Variants in CTNNA3 observed in about 807,000 individuals in gnomAD.
CTNNA3 encodes the protein catenin alpha-3.
Under a neutral mutation model 95.7 loss-of-function variants are expected in CTNNA3, and 76 were observed. That is an observed-to-expected ratio of 0.79 (90% CI 0.66 to 0.96). The LOEUF (loss-of-function observed/expected upper bound fraction) is 0.96. Among genes scored for constraint, CTNNA3 ranks in the 40% least tolerant of loss-of-function variants. The pLI is 0.00. For missense variants in CTNNA3, 1,191 were observed against 1,089.8 expected (o/e 1.09, Z -1.31); for synonymous variants, 431 against 374.4 (o/e 1.15, Z -1.74).
At chr10:67,193,049 C>T (rs1863190539) in intron 6 of CTNNA3, among the ~76,000 whole-genome samples, 1 of 151,386 alleles carries the variant, frequency 6.6e-6, no homozygotes, top group African/African-American at 2.4e-5. Context: ...TAAAATCAAA[C>T]TGTTTTGATT....
intron 7 of CTNNA3, among the ~76,000 whole-genome samples, chr10:67,145,085 CT>C (rs1166439401): frequency 6.6e-5 from 10 of 152,266 alleles, no homozygotes; most frequent in Middle Eastern, 3.4e-3. Flanking sequence ...GGAGGAATGG[CT>C]GTTCTCTGGA....
intron 7 of CTNNA3, among the ~76,000 whole-genome samples, chr10:67,045,005 A>G (rs1214204320): frequency 6.6e-6 from 1 of 152,220 alleles, no homozygotes; most frequent in East Asian, 1.9e-4. Flanking sequence ...GGAGACGCTC[A>G]ATAAATGTTA....
At chr10:66,198,311 T>C (rs568850003) in intron 13 of CTNNA3, among the ~76,000 whole-genome samples, 1 of 152,310 alleles carries the variant, frequency 6.6e-6, no homozygotes, top group East Asian at 1.9e-4. Context: ...AAGTTTAATC[T>C]GCATATAATC....
rs2090892836 is a variant in CTNNA3, at chr10:66,258,923, T to C, written c.1884+21547A>G. On this transcript the variant is annotated intron_variant, in intron 13 of 17. Coordinates refer to ENST00000433211, the MANE Select transcript of CTNNA3 (RefSeq NM_013266.4). ...GGAAAAAGAGAAGTGAAAACTAATGTCCAAAAAAATTTTCAAACAAGCCAC... is the reference window on the plus strand; with the variant it reads ...GGAAAAAGAGAAGTGAAAACTAATGCCCAAAAAAATTTTCAAACAAGCCAC... 2.6e-5 allele frequency among the ~76,000 whole-genome samples: 4 copies of C among 152,300 alleles called. No individual in the cohort carries two copies. In the South Asian group the frequency reaches 8.3e-4, roughly 32 times the overall value.
At chr10:66,484,807 T>A (rs1190639073) in intron 11 of CTNNA3, among the ~76,000 whole-genome samples, 1 of 152,036 alleles carries the variant, frequency 6.6e-6, no homozygotes, top group Admixed American at 6.6e-5. Flanking sequence ...ATATTCCTGA[T>A]AAATATACAT....
intron 5 of CTNNA3, among the ~76,000 whole-genome samples, chr10:67,467,989 G>A (rs1716853966): frequency 6.6e-6 from 1 of 151,270 alleles, no homozygotes; most frequent in African/African-American, 2.4e-5. Flanking sequence ...AGGATTATAG[G>A]CATGAGCCAC....
intron 7 of CTNNA3, among the ~76,000 whole-genome samples, chr10:67,009,747 C>T (rs114180772): frequency 4.9e-4 from 74 of 152,212 alleles, no homozygotes; most frequent in African/African-American, 1.6e-3. Flanking sequence ...GTTTCTCTTG[C>T]TAGACTTTTT....
At chr10:67,317,047 C>G (rs990679136) in intron 5 of CTNNA3, among the ~76,000 whole-genome samples, 1 of 152,106 alleles carries the variant, frequency 6.6e-6, no homozygotes, top group African/African-American at 2.4e-5. Context: ...TGCTTAAAAG[C>G]AGTAAATGTT....
chr10:66,488,387 A>AC (rs779934538), intron 11 of CTNNA3, among the ~76,000 whole-genome samples: 12 of 152,100 alleles, frequency 7.9e-5, no homozygotes, highest in Admixed American at 7.9e-4. Context: ...AATTCCACTT[A>AC]TTTTACCAGT....
Position 66,722,367 on chromosome 10 carries a change from G to C in CTNNA3, c.1281+43897C>G, listed in dbSNP as rs1247158380. 4.8e-5 allele frequency among the ~76,000 whole-genome samples: 6 copies of C among 123,884 alleles called. No individual in the cohort carries two copies. In the Admixed American group the frequency reaches 5.5e-4, roughly 11 times the overall value. 81.3% of individuals were successfully genotyped at this position (123,884 alleles called of 152,430 possible). ...CACTCCAGACTGGACGACAGAGCGAGACCCTGTCTCAAAAAAAAAAAAAAA... is the reference window on the plus strand; with the variant it reads ...CACTCCAGACTGGACGACAGAGCGACACCCTGTCTCAAAAAAAAAAAAAAA... On this transcript the variant is annotated intron_variant, in intron 9 of 17. Coordinates refer to ENST00000433211, the MANE Select transcript of CTNNA3 (RefSeq NM_013266.4).
At chr10:67,395,022 T>C (rs1214493686) in intron 5 of CTNNA3, among the ~76,000 whole-genome samples, 1 of 152,112 alleles carries the variant, frequency 6.6e-6, no homozygotes, top group Non-Finnish European at 1.5e-5. Flanking sequence ...ACTTGCAGAT[T>C]TTCCCCCACC....
chr10:65,985,105 A>G (rs1392131225), intron 16 of CTNNA3, among the ~76,000 whole-genome samples: 1 of 151,168 alleles, frequency 6.6e-6, no homozygotes, highest in Non-Finnish European at 1.5e-5. Context: ...TTTGTTTCTT[A>G]TTCCTTATAT....
intron 3 of CTNNA3, among the ~76,000 whole-genome samples, chr10:67,562,426 C>A (rs188890753): frequency 0.022 from 3,296 of 152,154 alleles, 154 homozygotes; most frequent in African/African-American, 0.075. Context: ...AGGCCTTTCA[C>A]AAAATTCAAC....
intron 9 of CTNNA3, among the ~76,000 whole-genome samples, chr10:66,763,335 C>CAG (rs1247071541): frequency 1.1e-4 from 13 of 113,444 alleles, no homozygotes; most frequent in African/African-American, 4.3e-4. Flanking sequence ...CACACACACA[C>CAG]ACACACAGAG....
intron 17 of CTNNA3, among the ~76,000 whole-genome samples, chr10:65,956,992 A>T (rs2077744604): frequency 6.6e-6 from 1 of 152,152 alleles, no homozygotes; most frequent in African/African-American, 2.4e-5. Flanking sequence ...GTGGGGTGTT[A>T]AAATCTCCCA....
chr10:67,423,134 C>T (rs979027872), intron 5 of CTNNA3, among the ~76,000 whole-genome samples: 5 of 152,080 alleles, frequency 3.3e-5, no homozygotes, highest in African/African-American at 4.8e-5. Flanking sequence ...GGTAGACATC[C>T]GTTGTTTTAC....
intron 10 of CTNNA3, among the ~76,000 whole-genome samples, chr10:66,577,271 A>G (rs979671817): frequency 2.0e-5 from 3 of 151,776 alleles, no homozygotes; most frequent in African/African-American, 4.8e-5. Context: ...TCCCATTCAG[A>G]AGGTTGTCTG....
At chr10:67,358,060 T>C (rs1255183968) in intron 5 of CTNNA3, among the ~76,000 whole-genome samples, 2 of 152,126 alleles carry the variant, frequency 1.3e-5, no homozygotes, top group African/African-American at 4.8e-5. Flanking sequence ...CAATAAGCCA[T>C]GCTGGAAGAA....
chr10:66,593,983 C>T (rs1478344763), intron 10 of CTNNA3, among the ~76,000 whole-genome samples: 1 of 152,034 alleles, frequency 6.6e-6, no homozygotes, highest in African/African-American at 2.4e-5. Flanking sequence ...ATGTTAACAA[C>T]TCCAAGTTTT....
Sources: allele counts gnomAD v4.1 joint callset (sites outside exome capture counted in the v4.1 genomes callset), GRCh38; gene constraint gnomAD v4.1.1; transcripts MANE v1.5; gene names NCBI Gene and HGNC (gene_info 2026-07-23, HGNC 2026-07-21).